AFF1: variants seen among roughly 807,000 people sequenced by gnomAD.
The protein encoded by AFF1 is ALF transcription elongation factor 1.
Under a neutral mutation model 121.7 loss-of-function variants are expected in AFF1, and 48 were observed. The ratio of observed to expected loss-of-function variants is 0.39; its 90% CI spans 0.31 to 0.50. AFF1 has a LOEUF of 0.50. Ranked by LOEUF, AFF1 falls within the 20% of genes least tolerant of loss-of-function variation. The probability of loss-of-function intolerance (pLI) is 0.76; values close to 1 mark genes in which losing one functional copy is unlikely to be tolerated. For missense variants in AFF1, 1,523 were observed against 1,511.7 expected (o/e 1.01, Z -0.12); for synonymous variants, 613 against 563.0 (o/e 1.09, Z -1.26).
intron 12 of AFF1, among the ~76,000 whole-genome samples, chr4:87,122,022 T>A (rs1727744772): frequency 6.6e-6 from 1 of 152,266 alleles, no homozygotes; most frequent in African/African-American, 2.4e-5. Flanking sequence ...CTTTAAGAAG[T>A]AGCCTTGTTA....
intron 2 of AFF1, among the ~76,000 whole-genome samples, chr4:86,950,360 G>A (rs1434764262): frequency 6.6e-6 from 1 of 152,108 alleles, no homozygotes; most frequent in Non-Finnish European, 1.5e-5. Flanking sequence ...TGGTAGAGAC[G>A]GGGTTTCACC....
chr4:87,075,663 A>G (rs1403844975), intron 4 of AFF1, among the ~76,000 whole-genome samples: 1 of 152,218 alleles, frequency 6.6e-6, no homozygotes, highest in Non-Finnish European at 1.5e-5. Flanking sequence ...GCATTTAGGC[A>G]ACTACTCTTA....
intron 4 of AFF1, among the ~76,000 whole-genome samples, chr4:87,057,872 A>G (rs908161520): frequency 2.6e-5 from 4 of 151,566 alleles, no homozygotes; most frequent in African/African-American, 9.7e-5. Flanking sequence ...ATGGTGTTAA[A>G]CCCCCACCGC....
intron 8 of AFF1, among the ~76,000 whole-genome samples, chr4:87,103,607 A>G (rs1013645681): frequency 6.6e-6 from 1 of 152,132 alleles, no homozygotes; most frequent in Non-Finnish European, 1.5e-5. Flanking sequence ...TGCAGGGAAA[A>G]TTTTTAGAAT....
chr4:87,131,792 G>A lies in AFF1; in HGVS notation c.3102-1G>A. 6.3e-7 allele frequency: 1 copy of A among 1,592,776 alleles called. No individual in the cohort carries two copies. Among genetic ancestry groups the A allele is most frequent in the Non-Finnish European group, 8.5e-7 (1 of 1,170,312 alleles). ...TGATGTACTTTTATATTTTCCTATA[G>A]ATTCATAATGTCATTAAAATCCTTC... On this transcript the variant is annotated splice_acceptor_variant, in intron 17 of 20. Coordinates refer to ENST00000395146, the MANE Select transcript of AFF1 (RefSeq NM_001166693.3). LOFTEE classifies it high-confidence loss of function.
intron 4 of AFF1, among the ~76,000 whole-genome samples, chr4:87,055,208 T>G (rs927256466): frequency 1.3e-5 from 2 of 152,304 alleles, no homozygotes; most frequent in South Asian, 2.1e-4. Context: ...GGCAATCTTA[T>G]GAAGAAACAC....
chr4:87,108,448 C>T, intron 11 of AFF1, 133 bp downstream of exon 11: 1 of 951,146 alleles, frequency 1.1e-6, no homozygotes, highest in Non-Finnish European at 1.5e-6. Flanking sequence ...CTTTCCTGCT[C>T]CTATGCTGTC....
At chr4:87,097,291 CCTGTGGATAGAGGAAGAAAGGCAG>C (rs1374656461) in intron 8 of AFF1, among the ~76,000 whole-genome samples, 1 of 152,176 alleles carries the variant, frequency 6.6e-6, no homozygotes. Context: ...GTGTCTCTCG[CCTGTGGATAGAGGAAGAAAGGCAG>C]CTGGGTCTGA....
chr4:87,020,318 C>T (rs1386665953), intron 2 of AFF1, among the ~76,000 whole-genome samples: 2 of 152,114 alleles, frequency 1.3e-5, no homozygotes, highest in Non-Finnish European at 1.5e-5. Context: ...TAAGAAAGAA[C>T]GTATTTGCTT....
At chr4:87,105,519 C>G in intron 8 of AFF1, 109 bp from the exon 9 acceptor site, 1 of 1,215,132 alleles carries the variant, frequency 8.2e-7, no homozygotes, top group Non-Finnish European at 1.2e-6. Flanking sequence ...AGAAAACTTA[C>G]ACATATCCTC....
intron 2 of AFF1, chr4:87,036,947 TCAGCTTCCCAAGTAGTTGGGACTA>T: frequency 2.8e-6 from 1 of 358,264 alleles, no homozygotes; most frequent in Non-Finnish European, 5.4e-6. Context: ...TCCTCCCATC[TCAGCTTCCCAAGTAGTTGGGACTA>T]CAGGAGTGTG....
chr4:86,936,002 A>G (rs1327843163), intron 1 of AFF1: 1 of 152,104 alleles, frequency 6.6e-6, no homozygotes, highest in African/African-American at 2.4e-5. Context: ...GTGTAATGGT[A>G]GTTGCATTAA....
intron 2 of AFF1, among the ~76,000 whole-genome samples, chr4:86,955,023 T>C (rs1336084195): frequency 1.3e-5 from 2 of 152,354 alleles, no homozygotes; most frequent in Admixed American, 6.5e-5. Context: ...TCTAAGATGA[T>C]AATGTAATTA....
chr4:87,058,512 T>A (rs1173280520), intron 4 of AFF1, among the ~76,000 whole-genome samples: 1 of 152,050 alleles, frequency 6.6e-6, no homozygotes, highest in Non-Finnish European at 1.5e-5. Context: ...CTACCTACAG[T>A]GCCACCCCCG....
chr4:87,059,745 A>G (rs1394393713), intron 4 of AFF1, among the ~76,000 whole-genome samples: 1 of 151,818 alleles, frequency 6.6e-6, no homozygotes, highest in Admixed American at 6.6e-5. Flanking sequence ...CAGCCCCCAG[A>G]CCCTTATAGA....
At chr4:87,112,186 C>G (rs1242201193) in intron 11 of AFF1, among the ~76,000 whole-genome samples, 1 of 152,156 alleles carries the variant, frequency 6.6e-6, no homozygotes, top group Admixed American at 6.5e-5. Flanking sequence ...CCTGAAGTCT[C>G]CAGGAAATCA....
rs745859547 is a variant in AFF1, at chr4:87,125,099, G to GTCATCT, written c.2541_2546dup (p.Ser849_Ser850dup). ...GACTGGAGAAGGAAATCAAATCACA[G>GTCATCT]TCATCTTCATCTTCATCCTCCCACA... is the stretch of plus-strand genomic sequence containing the variant. On this transcript the variant is annotated inframe_insertion, in exon 13 of 21. Transcript: ENST00000395146. The GTCATCT allele has an allele frequency of 5.6e-6, 9 of 1,610,532 alleles. No homozygotes were observed. The highest frequency in any genetic ancestry group is 7.6e-6 in the Non-Finnish European group (9 of 1,178,088).
At chr4:87,023,109 T>C (rs945932808) in intron 2 of AFF1, among the ~76,000 whole-genome samples, 12 of 152,120 alleles carry the variant, frequency 7.9e-5, no homozygotes, top group Admixed American at 6.6e-4. Flanking sequence ...GGGTCTTTCT[T>C]TGTTGTTCAG....
In AFF1 at chr4:87,093,714, A is replaced by G. The variant is rs192960400; in HGVS notation, c.1229-1201A>G. On this transcript the variant is annotated intron_variant, in intron 7 of 20. Transcript: ENST00000395146. Reference sequence around the variant, plus strand: ...AGGGGAGGCCATTTGAAAATATCATATAAGAGCTGCTGCCACCATGAGGGC... The same window carrying G: ...AGGGGAGGCCATTTGAAAATATCATGTAAGAGCTGCTGCCACCATGAGGGC... Among the ~76,000 whole-genome samples, 10 of 152,330 alleles carry G rather than the reference A, an allele frequency of 6.6e-5. No homozygotes were observed. The East Asian group carries it at 1.9e-3, about 29-fold the overall frequency.
Sources: allele counts gnomAD v4.1 joint callset (sites outside exome capture counted in the v4.1 genomes callset), GRCh38; gene constraint gnomAD v4.1.1; transcripts MANE v1.5; gene names NCBI Gene and HGNC (gene_info 2026-07-23, HGNC 2026-07-21).